The following SGPL1 variants were observed in gnomAD, a reference collection of about 807,000 sequenced individuals.
SGPL1 encodes the protein SP-lyase 1.
A neutral mutation model predicts 68.9 loss-of-function variants in SGPL1; 37 were observed. The observed-to-expected ratio is 0.54, with a 90% CI of 0.41 to 0.71. The LOEUF (loss-of-function observed/expected upper bound fraction) is 0.71, where lower values mean the gene tolerates loss of function less well. Ranked by LOEUF, SGPL1 falls within the 30% of genes least tolerant of loss-of-function variation. The pLI is 0.00. For missense variants in SGPL1, 551 were observed against 704.6 expected (o/e 0.78, Z 2.47); for synonymous variants, 236 against 248.5 (o/e 0.95, Z 0.47).
At chr10:70,861,640 G>A (rs1803240362) in intron 7 of SGPL1, among the ~76,000 whole-genome samples, 1 of 152,236 alleles carries the variant, frequency 6.6e-6, no homozygotes, top group African/African-American at 2.4e-5. Flanking sequence ...GGGAGGTGTG[G>A]AGGGAGAGGC....
At chr10:70,819,304 G>A (rs1845294226) in intron 2 of SGPL1, among the ~76,000 whole-genome samples, 1 of 152,174 alleles carries the variant, frequency 6.6e-6, no homozygotes, top group South Asian at 2.1e-4. Context: ...AGATGCGAGT[G>A]GCCCTAGGCA....
chr10:70,842,769 T>C (rs974915362), intron 2 of SGPL1, among the ~76,000 whole-genome samples: 1 of 152,188 alleles, frequency 6.6e-6, no homozygotes, highest in Non-Finnish European at 1.5e-5. Context: ...ATTTGGAGGA[T>C]AGGCATCCAA....
chr10:70,846,306 A>G (rs1209998232), intron 3 of SGPL1, among the ~76,000 whole-genome samples: 2 of 152,142 alleles, frequency 1.3e-5, no homozygotes, highest in Non-Finnish European at 2.9e-5. Context: ...GAAGTATTCA[A>G]TTCAGTGAGT....
At position 70,816,673 on chromosome 10, in the gene SGPL1, G is replaced by A. The variant is rs892649063; in HGVS notation, c.-43-138G>A. On this transcript the variant is annotated intron_variant, in intron 1 of 14. Transcript: ENST00000373202. ...TTCGCTGGTCTGGGGTGCTAGGGGT[G>A]GACTGTGATATCTGGGAATGAAATC... 3 of 716,902 alleles carry A rather than the reference G, an allele frequency of 4.2e-6. No homozygotes were observed. The African/African-American group carries it at 5.2e-5, about 13-fold the overall frequency. 44.4% of individuals were successfully genotyped at this position (716,902 alleles called of 1,614,324 possible).
Position 70,877,341 on chromosome 10 carries a change from G to T in SGPL1, c.*6G>T. 1.2e-6 allele frequency: 2 copies of T among 1,614,094 alleles called. No individual in the cohort carries two copies. The highest frequency in any genetic ancestry group is 1.7e-6 in the Non-Finnish European group (2 of 1,179,972). On this transcript the variant is annotated 3_prime_UTR_variant, in exon 15 of 15. Coordinates refer to ENST00000373202, the MANE Select transcript of SGPL1 (RefSeq NM_003901.4). ...GTTCTCCAAAACCCCACTGAACTTG[G>T]ACCCTTTCTAGTCTCAAGGGGATTC...
At chr10:70,823,421 A>T in intron 2 of SGPL1, among the ~76,000 whole-genome samples, 1 of 151,948 alleles carries the variant, frequency 6.6e-6, no homozygotes, top group Non-Finnish European at 1.5e-5. Flanking sequence ...ATAATTACAC[A>T]GTAATTATAA....
At chr10:70,876,016 T>C (rs1280267373) in intron 13 of SGPL1, among the ~76,000 whole-genome samples, 1 of 152,216 alleles carries the variant, frequency 6.6e-6, no homozygotes, top group Admixed American at 6.5e-5. Flanking sequence ...GGTCTGTTCA[T>C]GTCCTCTGTG....
chr10:70,840,272 T>G (rs1224631238), intron 2 of SGPL1, among the ~76,000 whole-genome samples: 1 of 152,062 alleles, frequency 6.6e-6, no homozygotes, highest in African/African-American at 2.4e-5. Context: ...AGCGTAGTCA[T>G]GTCATTTCAC....
chr10:70,841,463 C>T (rs1185132963), intron 2 of SGPL1, among the ~76,000 whole-genome samples: 5 of 152,122 alleles, frequency 3.3e-5, no homozygotes, highest in Non-Finnish European at 7.4e-5. Context: ...AGGCCCACTT[C>T]CTGGAAGGTG....
At chr10:70,850,725 G>A (rs1034100503) in intron 3 of SGPL1, among the ~76,000 whole-genome samples, 1 of 152,168 alleles carries the variant, frequency 6.6e-6, no homozygotes, top group Non-Finnish European at 1.5e-5. Flanking sequence ...GAATGAGGAT[G>A]CACTGATCTT....
chr10:70,817,432 TA>T (rs1168403542), intron 2 of SGPL1, among the ~76,000 whole-genome samples: 5 of 152,338 alleles, frequency 3.3e-5, no homozygotes, highest in Admixed American at 6.5e-5. Context: ...AAATTATTAT[TA>T]TTTTTTTTAA....
intron 7 of SGPL1, chr10:70,860,530 A>T: frequency 2.3e-6 from 1 of 438,102 alleles, no homozygotes. Context: ...AAACAGAACC[A>T]CCCATAATAC....
chr10:70,828,338 C>T (rs531097580), intron 2 of SGPL1, among the ~76,000 whole-genome samples: 47 of 151,964 alleles, frequency 3.1e-4, no homozygotes, highest in African/African-American at 1.1e-3. Context: ...TTATTTTTTT[C>T]GGAGACAGGG....
At chr10:70,859,019 A>G (rs577996729) in intron 6 of SGPL1, among the ~76,000 whole-genome samples, 1 of 152,338 alleles carries the variant, frequency 6.6e-6, no homozygotes, top group South Asian at 2.1e-4. Flanking sequence ...CTAGAACACT[A>G]GAAGATAGCT....
chr10:70,875,640 C>T (rs997395662), intron 13 of SGPL1, 92 bp downstream of exon 13: 2 of 959,462 alleles, frequency 2.1e-6, no homozygotes, highest in African/African-American at 3.3e-5. Context: ...AGTTTGACTG[C>T]TAGAGGCTAG....
intron 4 of SGPL1, among the ~76,000 whole-genome samples, chr10:70,853,989 C>T (rs2688774): frequency 6.6e-6 from 1 of 152,298 alleles, no homozygotes; most frequent in East Asian, 1.9e-4. Context: ...GGCCAGTTTT[C>T]TGGCCACTGT....
chr10:70,860,463 G>T (rs1265062024), intron 7 of SGPL1: 1 of 463,380 alleles, frequency 2.2e-6, no homozygotes, highest in Middle Eastern at 3.3e-4. Context: ...AATATTAGTA[G>T]TAATAAAGGT....
intron 3 of SGPL1, 70 bp downstream of exon 3, chr10:70,844,708 A>G: frequency 7.1e-7 from 1 of 1,401,086 alleles, no homozygotes; most frequent in Non-Finnish European, 9.9e-7. Flanking sequence ...GCTGAGAGAT[A>G]GGACTAATTT....
At chr10:70,849,277 A>G (rs1224694394) in intron 3 of SGPL1, among the ~76,000 whole-genome samples, 1 of 152,266 alleles carries the variant, frequency 6.6e-6, no homozygotes, top group Non-Finnish European at 1.5e-5. Flanking sequence ...AATAACAAGA[A>G]GCTAAAATAT....
Sources: gnomAD v4.1 joint callset for allele counts (sites outside exome capture counted in the v4.1 genomes callset) on GRCh38, gnomAD v4.1.1 for gene constraint, MANE v1.5 for transcripts, NCBI Gene and HGNC (gene_info 2026-07-23, HGNC 2026-07-21) for gene names.